GLS: variants seen among roughly 807,000 people sequenced by gnomAD.
GLS encodes the protein glutaminase kidney isoform, mitochondrial.
GLS carries 36 observed loss-of-function variants against 86.7 expected under a neutral mutation model. The observed-to-expected ratio is 0.42, with a 90% CI of 0.32 to 0.55. GLS has a LOEUF of 0.55. GLS is among the 20% of genes least tolerant of loss of function. The pLI, the probability that GLS is intolerant of heterozygous loss-of-function variation, is 0.17. For synonymous variants in GLS, 317 were observed against 305.9 expected, an observed-to-expected ratio of 1.04 and a Z score of -0.38; for missense variants, 528 against 833.4, an observed-to-expected ratio of 0.63 and a Z score of 4.51.
intron 14 of GLS, chr2:190,934,517 C>T: frequency 1.0e-6 from 1 of 983,548 alleles, no homozygotes; most frequent in Non-Finnish European, 1.2e-6. Context: ...GGCCTTACTG[C>T]ATATTTGTGT....
intron 17 of GLS, among the ~76,000 whole-genome samples, chr2:190,959,355 A>G (rs910181762): frequency 7.9e-5 from 12 of 152,092 alleles, no homozygotes; most frequent in Middle Eastern, 3.4e-3. Flanking sequence ...CAGCAGACCA[A>G]TGGGTCTTGA....
chr2:190,933,161 ATCCCATTT>A, intron 14 of GLS: 1 of 849,496 alleles, frequency 1.2e-6, no homozygotes, highest in Non-Finnish European at 1.4e-6. Context: ...TGGTCAGATA[ATCCCATTT>A]TACAATAGTA....
intron 14 of GLS, chr2:190,934,732 A>G (rs1274489323): frequency 4.1e-6 from 4 of 974,930 alleles, no homozygotes; most frequent in Non-Finnish European, 3.7e-6. Flanking sequence ...TAGGTTGTTA[A>G]TTTGTGTCAC....
chr2:190,880,849 A>C lies in GLS; in HGVS notation c.-236A>C. Reference sequence around the variant, plus strand: ...GCGGAGCCTTAGGCGGAGCGAAGAGAACCGGTCGCGGCAATCCTAGCGCGC... The same window carrying C: ...GCGGAGCCTTAGGCGGAGCGAAGAGCACCGGTCGCGGCAATCCTAGCGCGC... On this transcript the variant is annotated 5_prime_UTR_variant, in exon 1 of 18. Transcript: ENST00000320717. 1 of 803,502 alleles carries C rather than the reference A, an allele frequency of 1.2e-6. No homozygotes were observed. Among genetic ancestry groups the C allele is most frequent in the South Asian group, 1.5e-5 (1 of 68,080 alleles). The allele number at this position is 803,502 out of a possible 1,614,324, so 49.8% of individuals were successfully genotyped here.
chr2:190,963,356 A>G lies in GLS; in HGVS notation c.*370A>G, dbSNP rs752553823. The G allele has an allele frequency of 1.2e-5, 2 of 161,348 alleles. No homozygotes were observed. The highest frequency in any genetic ancestry group is 2.4e-5 in the African/African-American group (1 of 41,644). 10.0% of individuals were successfully genotyped at this position (161,348 alleles called of 1,614,324 possible). On this transcript the variant is annotated 3_prime_UTR_variant, in exon 18 of 18. Transcript: ENST00000320717. ...TAAGCTCTGTTGTACAGTCTGTCCAAATGGGTCAAGGTTGCCTTTAGAAGC... is the reference window on the plus strand; with the variant it reads ...TAAGCTCTGTTGTACAGTCTGTCCAGATGGGTCAAGGTTGCCTTTAGAAGC...
Position 190,924,533 on chromosome 2 carries a change from GT to G in GLS, c.1198-3del. The G allele has an allele frequency of 1.2e-5, 19 of 1,537,480 alleles. No individual in the cohort carries two copies. The highest frequency in any genetic ancestry group is 1.4e-5 in the Non-Finnish European group (16 of 1,110,524). On this transcript the variant is annotated splice_polypyrimidine_tract_variant and intron_variant, in intron 10 of 17. Coordinates refer to ENST00000320717, the MANE Select transcript of GLS (RefSeq NM_014905.5). The surrounding 1 kb of genome is among the most constrained non-coding windows in gnomAD (Gnocchi z 5.2). ...GCCTGAATTTTTAATTGCCTTTCTGGTTTTTTTAGTGTTTTCCAGAAGGCAC... is the reference window on the plus strand; with the variant it reads ...GCCTGAATTTTTAATTGCCTTTCTGGTTTTTTAGTGTTTTCCAGAAGGCAC...
chr2:190,895,561 A>G lies in GLS; in HGVS notation c.484-43A>G. 1.4e-6 allele frequency: 2 copies of G among 1,419,586 alleles called. No individual in the cohort carries two copies. Among genetic ancestry groups the G allele is most frequent in the Non-Finnish European group, 9.8e-7 (1 of 1,019,114 alleles). 87.9% of individuals were successfully genotyped at this position (1,419,586 alleles called of 1,614,324 possible). Reference sequence around the variant, plus strand: ...TATAGTTGGTATAAGCATATACATTATTTGCACTATATATTTACAAACTCT... The same window carrying G: ...TATAGTTGGTATAAGCATATACATTGTTTGCACTATATATTTACAAACTCT... On this transcript the variant is annotated intron_variant, in intron 2 of 17. Coordinates refer to ENST00000320717, the MANE Select transcript of GLS (RefSeq NM_014905.5). The surrounding 1 kb of genome is among the most constrained non-coding windows in gnomAD (Gnocchi z 4.2).
chr2:190,881,611 C>G (rs1167106818), intron 1 of GLS, 141 bp downstream of exon 1: 3 of 807,604 alleles, frequency 3.7e-6, no homozygotes, highest in Non-Finnish European at 3.7e-6. Context: ...CCTGCGCCGT[C>G]TGCGCCATGT....
intron 1 of GLS, among the ~76,000 whole-genome samples, chr2:190,883,600 G>T (rs913906780): frequency 2.0e-5 from 3 of 152,286 alleles, no homozygotes; most frequent in Middle Eastern, 3.4e-3. Flanking sequence ...CTTCATTATT[G>T]TAAAGCCTGT....
rs939143034 is a variant in GLS at position 190,905,810 on chromosome 2, A to G, written c.979+643A>G. 1.3e-4 allele frequency among the ~76,000 whole-genome samples: 20 copies of G among 152,152 alleles called. No individual in the cohort carries two copies. Among genetic ancestry groups the G allele is most frequent in the African/African-American group, 4.6e-4 (19 of 41,444 alleles). ...AGCTGAGTGCAAACTAAGTTAAACTAGTCCCATGGTTTGGTTTCTGTTTTT... is the reference window on the plus strand; with the variant it reads ...AGCTGAGTGCAAACTAAGTTAAACTGGTCCCATGGTTTGGTTTCTGTTTTT... On this transcript the variant is annotated intron_variant, in intron 6 of 17. Transcript: ENST00000320717. The surrounding 1 kb of genome is among the most constrained non-coding windows in gnomAD (Gnocchi z 4.6).
intron 14 of GLS, among the ~76,000 whole-genome samples, chr2:190,942,066 A>ACT (rs1690450501): frequency 2.0e-5 from 1 of 50,730 alleles, no homozygotes; most frequent in Non-Finnish European, 5.4e-5. Context: ...AACTTTGAAG[A>ACT]CTTTTTTTTT....
Position 190,901,955 on chromosome 2 carries a change from T to C in GLS, c.744T>C (p.Asp248=). 1 of 1,598,710 alleles carries C rather than the reference T, an allele frequency of 6.3e-7. No homozygotes were observed. Among genetic ancestry groups the C allele is most frequent in the Non-Finnish European group, 8.6e-7 (1 of 1,166,136 alleles). Reference sequence around the variant, plus strand: ...TCCAATCTTTTGGATAGGTTGCAGATTATATTCCTCAACTGGCCAAATTCA... The same window carrying C: ...TCCAATCTTTTGGATAGGTTGCAGACTATATTCCTCAACTGGCCAAATTCA... ...AKKQSGGKVA[D]YIPQLAKFSP... is the part of the protein sequence containing the mutation. Residue 248 remains aspartate (D), a synonymous_variant, in exon 5 of 18, where the codon GAT becomes GAC. Coordinates refer to ENST00000320717, the MANE Select transcript of GLS (RefSeq NM_014905.5).
In GLS at chr2:190,895,170, G is replaced by C; in HGVS notation, c.405G>C (p.Leu135=). 3.3e-6 allele frequency: 5 copies of C among 1,519,892 alleles called. No individual in the cohort carries two copies. The highest frequency in any genetic ancestry group is 4.6e-6 in the Non-Finnish European group (5 of 1,098,078). 94.2% of individuals were successfully genotyped at this position (1,519,892 alleles called of 1,614,324 possible). ...ASGENKIKQG[L]LPSLEDLLFY... is the part of the protein sequence containing the mutation. ...TCTTTAGTAAAATAAAACAGGGTCT[G>C]TTACCTAGCTTGGAAGATTTGCTGT... Residue 135 remains leucine (L), a synonymous_variant, in exon 2 of 18, where the codon CTG becomes CTC. Transcript: ENST00000320717. The surrounding 1 kb of genome is among the most constrained non-coding windows in gnomAD (Gnocchi z 4.2).
chr2:190,958,433 CTCTTAGTTAAT>C (rs969353633), intron 17 of GLS, among the ~76,000 whole-genome samples: 3 of 151,962 alleles, frequency 2.0e-5, no homozygotes, highest in African/African-American at 4.8e-5. Context: ...TTCAGTTCTG[CTCTTAGTTAAT>C]TCCTGTCTTC....
At chr2:190,957,023 G>C (rs1368526347) in intron 17 of GLS, among the ~76,000 whole-genome samples, 2 of 152,134 alleles carry the variant, frequency 1.3e-5, no homozygotes, top group African/African-American at 2.4e-5. Context: ...ATGGGGTTTT[G>C]TAAATATACA....
chr2:190,924,562 A>G lies in GLS; in HGVS notation c.1217A>G (p.Asp406Gly). Reference sequence around the variant, plus strand: ...TTTTAGTGTTTTCCAGAAGGCACAGACATGGTTGGTATATTAGACTTCTAC... The same window carrying G: ...TTTTAGTGTTTTCCAGAAGGCACAGGCATGGTTGGTATATTAGACTTCTAC... ...KEKKCFPEGT[D>G]MVGILDFYFQ... is the part of the protein sequence containing the mutation. The change falls in exon 11 of 18, where the codon GAC becomes GGC. Residue 406 changes from aspartate to glycine, a missense_variant. Transcript: ENST00000320717. The surrounding 1 kb of genome is among the most constrained non-coding windows in gnomAD (Gnocchi z 5.2). The G allele has an allele frequency of 6.3e-7, 1 of 1,577,556 alleles. No individual in the cohort carries two copies. The highest frequency in any genetic ancestry group is 8.7e-7 in the Non-Finnish European group (1 of 1,146,766).
At chr2:190,912,482 T>C (rs1368769369) in intron 7 of GLS, among the ~76,000 whole-genome samples, 6 of 152,004 alleles carry the variant, frequency 3.9e-5, no homozygotes, top group Middle Eastern at 3.2e-3. Flanking sequence ...TAAATTCATA[T>C]AAATATCTAT....
In GLS at chr2:190,897,540, G is replaced by A. The variant is rs1688787773; in HGVS notation, c.605+1815G>A. 6.6e-6 allele frequency among the ~76,000 whole-genome samples: 1 copy of A among 152,150 alleles called. No individual in the cohort carries two copies. The highest frequency in any genetic ancestry group is 1.5e-5 in the Non-Finnish European group (1 of 68,024). ...TTATGGTCTATATGAGCAACCAGTA[G>A]AAAAGTACAAGTCTCTAGGGCATAA... is the stretch of plus-strand genomic sequence containing the variant. On this transcript the variant is annotated intron_variant, in intron 3 of 17. Transcript: ENST00000320717. This position sits in a 1 kb window ranked among gnomAD's most constrained non-coding sequence, Gnocchi z 4.3.
intron 14 of GLS, among the ~76,000 whole-genome samples, chr2:190,950,109 G>T (rs1450288612): frequency 6.6e-6 from 1 of 151,938 alleles, no homozygotes. Flanking sequence ...CCAAAGGGAG[G>T]GGGAGAGGGA....
Sources: allele counts gnomAD v4.1 joint callset (sites outside exome capture counted in the v4.1 genomes callset), GRCh38; gene constraint gnomAD v4.1.1; non-coding constraint Gnocchi (gnomAD v3.1); transcripts MANE v1.5; gene names NCBI Gene and HGNC (gene_info 2026-07-23, HGNC 2026-07-21).